DLG2: variants seen among roughly 807,000 people sequenced by gnomAD.
DLG2 encodes discs large MAGUK scaffold protein 2, also known as disks large homolog 2.
A neutral mutation model predicts 132.5 loss-of-function variants in DLG2; 45 were observed. That is an observed-to-expected ratio of 0.34 (90% confidence interval 0.27 to 0.44). The LOEUF (loss-of-function observed/expected upper bound fraction) is 0.44. Ranked by LOEUF, DLG2 falls within the 20% of genes least tolerant of loss-of-function variation. The pLI, the probability that DLG2 is intolerant of heterozygous loss-of-function variation, is 1.00. For synonymous variants in DLG2, 424 were observed against 419.6 expected (o/e 1.01, Z -0.13); for missense variants, 1,045 against 1,196.9 (o/e 0.87, Z 1.87).
At chr11:84,961,176 C>T (rs112856031) in intron 6 of DLG2, among the ~76,000 whole-genome samples, 202 of 141,624 alleles carry the variant, frequency 1.4e-3, no homozygotes, top group African/African-American at 4.9e-3. Flanking sequence ...TTGGTTGGTG[C>T]CCATCACGTG....
intron 3 of DLG2, among the ~76,000 whole-genome samples, chr11:85,392,406 C>T (rs1222640064): frequency 6.6e-6 from 1 of 151,076 alleles, no homozygotes; most frequent in Non-Finnish European, 1.5e-5. Flanking sequence ...CAAAATACCA[C>T]CATCATTCTT....
At chr11:84,921,329 A>G (rs1289165603) in intron 6 of DLG2, among the ~76,000 whole-genome samples, 4 of 152,292 alleles carry the variant, frequency 2.6e-5, no homozygotes, top group African/African-American at 9.6e-5. Flanking sequence ...GGAAGGTTAT[A>G]TATGCTGTTT....
rs774925832 is a variant in DLG2 at position 85,342,966 on chromosome 11, G to T, written c.41-57601C>A. On this transcript the variant is annotated intron_variant, in intron 3 of 27. Coordinates refer to ENST00000376104, the MANE Select transcript of DLG2 (RefSeq NM_001142699.3). Reference sequence around the variant, plus strand: ...CTAATGCACTTTTTTTATCTACTATGACTGTGTCCTCAGTTGGCTCTCTAA... The same window carrying T: ...CTAATGCACTTTTTTTATCTACTATTACTGTGTCCTCAGTTGGCTCTCTAA... Among the ~76,000 whole-genome samples, 3 of 152,168 alleles carry T rather than the reference G, an allele frequency of 2.0e-5. No individual in the cohort carries two copies. The East Asian group carries it at 5.8e-4, about 29-fold the overall frequency.
chr11:84,501,894 A>T (rs981144119), intron 7 of DLG2, among the ~76,000 whole-genome samples: 3 of 152,104 alleles, frequency 2.0e-5, no homozygotes, highest in African/African-American at 7.2e-5. Flanking sequence ...TAAGCTTTAA[A>T]TATACTGATG....
chr11:85,122,976 T>TATATA (rs60973860), intron 5 of DLG2, among the ~76,000 whole-genome samples: 3 of 58,434 alleles, frequency 5.1e-5, no homozygotes, highest in East Asian at 4.9e-4. Context: ...TATATTTTTT[T>TATATA]TTTTTTTTTT....
chr11:85,061,908 T>C (rs1387728775), intron 6 of DLG2, among the ~76,000 whole-genome samples: 1 of 151,850 alleles, frequency 6.6e-6, no homozygotes, highest in Non-Finnish European at 1.5e-5. Flanking sequence ...GCACTCCAAT[T>C]CTTCAGTCAC....
intron 5 of DLG2, among the ~76,000 whole-genome samples, chr11:85,143,376 TA>T (rs1292401664): frequency 2.6e-5 from 4 of 151,838 alleles, no homozygotes; most frequent in African/African-American, 4.8e-5. Flanking sequence ...ATTTCTGTGA[TA>T]TCAGTTGTAA....
chr11:85,126,538 G>C (rs923982821), intron 5 of DLG2, among the ~76,000 whole-genome samples: 3 of 151,974 alleles, frequency 2.0e-5, no homozygotes, highest in African/African-American at 7.2e-5. Flanking sequence ...TACACAAAAA[G>C]GTCAGGTTAT....
At chr11:84,919,747 A>G (rs1484475361) in intron 6 of DLG2, among the ~76,000 whole-genome samples, 1 of 152,172 alleles carries the variant, frequency 6.6e-6, no homozygotes, top group Non-Finnish European at 1.5e-5. Context: ...CAGTATCACT[A>G]CCTTCAAAAA....
chr11:84,081,803 G>T (rs952110632), intron 10 of DLG2, among the ~76,000 whole-genome samples: 6 of 152,182 alleles, frequency 3.9e-5, no homozygotes, highest in Non-Finnish European at 7.3e-5. Context: ...CTTTATAGTA[G>T]CATGATTTAT....
At chr11:84,444,480 T>G (rs1339840684) in intron 7 of DLG2, among the ~76,000 whole-genome samples, 1 of 151,868 alleles carries the variant, frequency 6.6e-6, no homozygotes, top group East Asian at 1.9e-4. Flanking sequence ...TTTATTTATT[T>G]ATTTACTTAT....
At chr11:85,521,864 A>G (rs1444274895) in intron 3 of DLG2, among the ~76,000 whole-genome samples, 1 of 152,162 alleles carries the variant, frequency 6.6e-6, no homozygotes, top group East Asian at 1.9e-4. Context: ...CTGGCAGAAC[A>G]CATTTCTAAG....
intron 15 of DLG2, among the ~76,000 whole-genome samples, chr11:83,928,180 G>T (rs982609950): frequency 2.0e-5 from 3 of 151,926 alleles, no homozygotes; most frequent in Non-Finnish European, 4.4e-5. Flanking sequence ...AGAATAAATT[G>T]AAAATAGAAT....
At chr11:84,207,878 A>G (rs949863340) in intron 8 of DLG2, among the ~76,000 whole-genome samples, 3 of 152,198 alleles carry the variant, frequency 2.0e-5, no homozygotes, top group African/African-American at 7.2e-5. Flanking sequence ...CATGTTTATG[A>G]AAAAGATTTG....
intron 6 of DLG2, among the ~76,000 whole-genome samples, chr11:84,893,801 A>G (rs966088003): frequency 4.6e-5 from 7 of 152,160 alleles, no homozygotes; most frequent in Admixed American, 3.3e-4. Context: ...ATTATTATTA[A>G]TATCTTACAA....
At chr11:84,690,602 T>C (rs549999181) in intron 6 of DLG2, among the ~76,000 whole-genome samples, 1 of 151,952 alleles carries the variant, frequency 6.6e-6, no homozygotes, top group Non-Finnish European at 1.5e-5. Context: ...TATGTATCAC[T>C]TAATGGCAGC....
chr11:84,512,193 AC>A (rs1364134443), intron 7 of DLG2, among the ~76,000 whole-genome samples: 3 of 152,132 alleles, frequency 2.0e-5, no homozygotes, highest in Non-Finnish European at 4.4e-5. Flanking sequence ...TGAAAATATA[AC>A]AACTTGTCCC....
At chr11:84,501,671 T>C (rs1181650235) in intron 7 of DLG2, among the ~76,000 whole-genome samples, 1 of 152,214 alleles carries the variant, frequency 6.6e-6, no homozygotes, top group Non-Finnish European at 1.5e-5. Flanking sequence ...TGCAGCTTAC[T>C]GTAAACTTTC....
chr11:84,172,138 G>T (rs2095839261), intron 8 of DLG2, among the ~76,000 whole-genome samples: 2 of 152,090 alleles, frequency 1.3e-5, no homozygotes, highest in South Asian at 2.1e-4. Context: ...TTAGTAGTAA[G>T]CAAAAGATTT....
Sources: gnomAD v4.1 joint callset for allele counts (sites outside exome capture counted in the v4.1 genomes callset) on GRCh38, gnomAD v4.1.1 for gene constraint, MANE v1.5 for transcripts, NCBI Gene and HGNC (gene_info 2026-07-23, HGNC 2026-07-21) for gene names.